CRISPLD1: variants seen among roughly 807,000 people sequenced by gnomAD.
The protein encoded by CRISPLD1 is cysteine-rich secretory protein LCCL domain-containing 1.
In CRISPLD1, 60 loss-of-function variants were observed where a neutral mutation model predicts 77.5. That is an observed-to-expected ratio of 0.77 (90% CI 0.63 to 0.96). The LOEUF (loss-of-function observed/expected upper bound fraction) is 0.96. Ranked by LOEUF, CRISPLD1 falls within the 40% of genes least tolerant of loss-of-function variation. The pLI is 0.00. For synonymous variants in CRISPLD1, 195 were observed against 200.1 expected (o/e 0.97, Z 0.22); for missense variants, 623 against 615.8 (o/e 1.01, Z -0.12).
At chr8:75,023,331 C>T (rs528664387) in intron 12 of CRISPLD1, among the ~76,000 whole-genome samples, 128 of 152,302 alleles carry the variant, frequency 8.4e-4, no homozygotes, top group Non-Finnish European at 1.6e-3. Context: ...ATAAGGATGA[C>T]GGTGAATGCC....
intron 7 of CRISPLD1, 23 bp from the exon 8 acceptor site, chr8:75,016,858 T>A (rs1813038744): frequency 1.9e-6 from 3 of 1,544,758 alleles, no homozygotes; most frequent in Non-Finnish European, 2.6e-6. Context: ...ATTTAAGTTA[T>A]TTAGGTATTT....
chr8:75,024,808 C>T (rs1392942274), intron 12 of CRISPLD1, among the ~76,000 whole-genome samples: 1 of 152,036 alleles, frequency 6.6e-6, no homozygotes, highest in Non-Finnish European at 1.5e-5. Context: ...TTTTCATGTA[C>T]AGCCAATGGA....
intron 2 of CRISPLD1, among the ~76,000 whole-genome samples, chr8:74,995,031 A>G (rs575041834): frequency 6.6e-6 from 1 of 152,292 alleles, no homozygotes; most frequent in South Asian, 2.1e-4. Context: ...ATGGAGGCCA[A>G]TCTTGAACAT....
Position 75,016,644 on chromosome 8 carries a change from C to T in CRISPLD1, c.807C>T (p.Thr269=), listed in dbSNP as rs61591000. ...IERQQSQVHD[T]HVRTRSDDSS... is the part of the protein sequence containing the mutation. The stretch of plus-strand genomic sequence containing the variant: ...GACAGCAGTCACAAGTCCATGACAC[C>T]CATGTCCGGACAAGATCAGATGATA... The change falls in exon 7 of 15, where the codon ACC becomes ACT. Residue 269 remains threonine, a synonymous_variant. Transcript: ENST00000262207. The T allele has an allele frequency of 1.6e-3, 2,603 of 1,613,056 alleles. 40 individuals carry two copies. In the African/African-American group the frequency reaches 0.031, roughly 19 times the overall value.
intron 2 of CRISPLD1, among the ~76,000 whole-genome samples, chr8:74,991,566 C>T (rs1812573800): frequency 6.6e-6 from 1 of 152,158 alleles, no homozygotes; most frequent in Non-Finnish European, 1.5e-5. Context: ...TCCTTATGCC[C>T]TTGTGCTGGG....
chr8:75,016,502 A>G (rs1417985794), intron 6 of CRISPLD1, 63 bp from the exon 7 acceptor site: 1 of 1,416,044 alleles, frequency 7.1e-7, no homozygotes, highest in African/African-American at 1.4e-5. Flanking sequence ...GTATATTATT[A>G]TTTGATAATT....
chr8:75,030,986 C>T (rs1813333069), intron 14 of CRISPLD1, among the ~76,000 whole-genome samples: 2 of 151,830 alleles, frequency 1.3e-5, no homozygotes, highest in African/African-American at 4.8e-5. Context: ...GTTCATATAA[C>T]TTGTAAATCT....
intron 10 of CRISPLD1, among the ~76,000 whole-genome samples, chr8:75,018,480 G>A (rs1275659980): frequency 6.6e-6 from 1 of 151,650 alleles, no homozygotes; most frequent in Non-Finnish European, 1.5e-5. Flanking sequence ...TAGTAGAGAC[G>A]AGGTTTCACC....
At chr8:75,015,951 C>T (rs539330842) in intron 6 of CRISPLD1, among the ~76,000 whole-genome samples, 86 of 152,126 alleles carry the variant, frequency 5.7e-4, no homozygotes, top group Non-Finnish European at 7.6e-4. Flanking sequence ...TTATACACCT[C>T]TCCAAAATGT....
intron 4 of CRISPLD1, among the ~76,000 whole-genome samples, chr8:75,013,721 A>G (rs1016325929): frequency 6.6e-6 from 1 of 152,172 alleles, no homozygotes; most frequent in African/African-American, 2.4e-5. Flanking sequence ...TGAGGATGTA[A>G]CTTTTGAATT....
chr8:75,032,505 ATTACATAGTCATGATTGTTCTACGT>A lies in CRISPLD1; in HGVS notation c.*266_*290del, dbSNP rs1356361375. The stretch of plus-strand genomic sequence containing the variant: ...TTCTTAGCAGTTATTTCTACAGTTA[ATTACATAGTCATGATTGTTCTACGT>A]TTCATATATTATATGGTGCTTTGTA... On this transcript the variant is annotated 3_prime_UTR_variant, in exon 15 of 15. Transcript: ENST00000262207. The A allele has an allele frequency of 3.4e-6, 1 of 294,286 alleles. No homozygotes were observed. The highest frequency in any genetic ancestry group is 2.2e-5 in the African/African-American group (1 of 45,906). 18.2% of individuals were successfully genotyped at this position (294,286 alleles called of 1,614,324 possible).
Position 75,017,372 on chromosome 8 carries a change from G to A in CRISPLD1, c.1049G>A (p.Gly350Asp), listed in dbSNP as rs1159162206. ...AIHYGIIDND[G>D]GWVDITRQGR... ...CATTATGGTATAATAGACAATGATG[G>A]TGGCTGGGTAGATATCACTAGACAA... The change falls in exon 10 of 15, where the codon GGT becomes GAT. Residue 350 changes from glycine (G) to aspartate (D), a missense_variant. Gly to Asp is a moderately conservative substitution (Grantham distance 94). Transcript: ENST00000262207. 1.9e-6 allele frequency: 3 copies of A among 1,610,750 alleles called. No individual in the cohort carries two copies. The highest frequency in any genetic ancestry group is 1.7e-6 in the Non-Finnish European group (2 of 1,178,278).
intron 2 of CRISPLD1, among the ~76,000 whole-genome samples, chr8:75,003,703 A>T (rs1461584952): frequency 1.3e-5 from 2 of 152,190 alleles, no homozygotes; most frequent in Admixed American, 1.3e-4. Flanking sequence ...ACCATCAATT[A>T]TATGATACAT....
chr8:75,014,074 G>GT lies in CRISPLD1; in HGVS notation c.599dup (p.Tyr201LeufsTer30). The stretch of plus-strand genomic sequence containing the variant: ...CTGGGGGCAGATATGGCCCAAAGCT[G>GT]TCTACCTGGTGTGCAATTACTCCCC... On this transcript the variant is annotated frameshift_variant, in exon 5 of 15. Coordinates refer to ENST00000262207, the MANE Select transcript of CRISPLD1 (RefSeq NM_031461.6). LOFTEE classifies it high-confidence loss of function. 6.2e-7 allele frequency: 1 copy of GT among 1,612,436 alleles called. No individual in the cohort carries two copies.
At chr8:75,018,993 G>A (rs972569990) in intron 10 of CRISPLD1, among the ~76,000 whole-genome samples, 1 of 152,160 alleles carries the variant, frequency 6.6e-6, no homozygotes, top group Non-Finnish European at 1.5e-5. Flanking sequence ...AGTAAGCCAA[G>A]CAGTGGGTGT....
At chr8:74,991,227 C>G (rs1484593750) in intron 2 of CRISPLD1, among the ~76,000 whole-genome samples, 1 of 152,122 alleles carries the variant, frequency 6.6e-6, no homozygotes, top group Non-Finnish European at 1.5e-5. Context: ...AACTCCTGGT[C>G]TGAAGTGATC....
At chr8:75,006,360 A>G (rs1208159445) in intron 2 of CRISPLD1, among the ~76,000 whole-genome samples, 1 of 152,198 alleles carries the variant, frequency 6.6e-6, no homozygotes, top group Non-Finnish European at 1.5e-5. Flanking sequence ...TGTACAACAA[A>G]TTCAATCATT....
rs565742203 is a variant in CRISPLD1, at chr8:74,986,321, C to A, written c.258+76C>A. 6.1e-4 allele frequency: 820 copies of A among 1,353,238 alleles called. 13 individuals are homozygous for A. In the South Asian group the frequency reaches 0.011, roughly 18 times the overall value. The allele number at this position is 1,353,238 out of a possible 1,614,324, so 83.8% of individuals were successfully genotyped here. On this transcript the variant is annotated intron_variant, in intron 2 of 14. Transcript: ENST00000262207. ...TTCAGTCAGCAGTCTTCATGCTGTT[C>A]TTTAATCATTTATTTTATATGAAGT...
At chr8:75,024,935 C>G (rs187096004) in intron 12 of CRISPLD1, among the ~76,000 whole-genome samples, 1 of 151,936 alleles carries the variant, frequency 6.6e-6, no homozygotes, top group Non-Finnish European at 1.5e-5. Context: ...GGGAAGCCTA[C>G]GGAAAGAAAC....
Sources: gnomAD v4.1 joint callset for allele counts (sites outside exome capture counted in the v4.1 genomes callset) on GRCh38, gnomAD v4.1.1 for gene constraint, MANE v1.5 for transcripts, NCBI Gene and HGNC (gene_info 2026-07-23, HGNC 2026-07-21) for gene names.